Variants in TAF12 observed in about 807,000 individuals in gnomAD.
The protein encoded by TAF12 is TATA-box binding protein associated factor 12, also known as transcription initiation factor TFIID subunit 12.
In TAF12, 3 loss-of-function variants were observed where a neutral mutation model predicts 20.8. The ratio of observed to expected loss-of-function variants is 0.14; its 90% CI spans 0.07 to 0.37. TAF12 has a LOEUF of 0.37. Among genes scored for constraint, TAF12 ranks in the 10% least tolerant of loss-of-function variants. TAF12 has a pLI of 1.00. For synonymous variants in TAF12, 69 were observed against 70.2 expected (o/e 0.98, Z 0.09); for missense variants, 131 against 197.9 (o/e 0.66, Z 2.03).
At position 28,633,740 on chromosome 1, in the gene TAF12, C is replaced by T. The variant is rs181926165; in HGVS notation, c.-85+9252G>A. Reference sequence around the variant, plus strand: ...CAGCCTGACCAACATGGTGAAACCCCGTCTCTACTAAAAATACAAAAATTA... The same window carrying T: ...CAGCCTGACCAACATGGTGAAACCCTGTCTCTACTAAAAATACAAAAATTA... On this transcript the variant is annotated intron_variant, in intron 1 of 5. Transcript: ENST00000373824. 3.3e-3 allele frequency among the ~76,000 whole-genome samples: 496 copies of T among 151,626 alleles called. 2 individuals are homozygous for T. Among genetic ancestry groups the T allele is most frequent in the African/African-American group, 0.011 (475 of 41,364 alleles).
chr1:28,632,895 G>A (rs976209085), intron 1 of TAF12, among the ~76,000 whole-genome samples: 4 of 151,730 alleles, frequency 2.6e-5, no homozygotes, highest in Admixed American at 6.6e-5. Context: ...GTGGAGTTCC[G>A]CTTTGTTGCC....
At chr1:28,610,764 A>C (rs1391826721) in intron 4 of TAF12, among the ~76,000 whole-genome samples, 2 of 152,060 alleles carry the variant, frequency 1.3e-5, no homozygotes, top group African/African-American at 4.8e-5. Flanking sequence ...GTTTGAGACC[A>C]GCCTGGCCAA....
At chr1:28,616,490 T>C (rs2124322782) in intron 3 of TAF12, among the ~76,000 whole-genome samples, 1 of 151,818 alleles carries the variant, frequency 6.6e-6, no homozygotes. Context: ...CCCAGCACTT[T>C]GGGAGGCCGA....
chr1:28,614,099 G>T (rs1333214942), intron 3 of TAF12, among the ~76,000 whole-genome samples: 2 of 151,906 alleles, frequency 1.3e-5, no homozygotes, highest in African/African-American at 4.8e-5. Flanking sequence ...TTAGCTGGGC[G>T]TGGTGGCACG....
chr1:28,609,785 C>T lies in TAF12; in HGVS notation c.361+3462G>A, dbSNP rs1410747352. On this transcript the variant is annotated intron_variant, in intron 4 of 5. Coordinates refer to ENST00000373824, the MANE Select transcript of TAF12 (RefSeq NM_005644.4). ...TACAGGCGTGAGCCACCGTGTCTGG[C>T]CCCAATTCACATTTGTTATGCAACC... 2.6e-5 allele frequency among the ~76,000 whole-genome samples: 4 copies of T among 152,196 alleles called. 1 individual carries two copies. The highest frequency in any genetic ancestry group is 2.6e-4 in the Admixed American group (4 of 15,264).
intron 1 of TAF12, among the ~76,000 whole-genome samples, chr1:28,636,628 A>G (rs561122043): frequency 6.6e-6 from 1 of 151,862 alleles, no homozygotes; most frequent in Admixed American, 6.6e-5. Flanking sequence ...GGTCACTACA[A>G]ATAAAAAAAA....
intron 1 of TAF12, among the ~76,000 whole-genome samples, chr1:28,624,495 C>T (rs1667318547): frequency 6.6e-6 from 1 of 152,144 alleles, no homozygotes; most frequent in South Asian, 2.1e-4. Context: ...GCCTGTAATC[C>T]CAGCACTTTG....
At chr1:28,625,534 CTAA>C (rs1667352054) in intron 1 of TAF12, among the ~76,000 whole-genome samples, 1 of 149,582 alleles carries the variant, frequency 6.7e-6, no homozygotes, top group African/African-American at 2.5e-5. Flanking sequence ...CTGCACCCAG[CTAA>C]TTTTTTTTTT....
chr1:28,612,770 T>C (rs1328974920), intron 4 of TAF12, among the ~76,000 whole-genome samples: 1 of 151,856 alleles, frequency 6.6e-6, no homozygotes, highest in East Asian at 1.9e-4. Flanking sequence ...TATATTACGA[T>C]TATAAACTTT....
At chr1:28,630,129 A>G (rs1016548216) in intron 1 of TAF12, among the ~76,000 whole-genome samples, 11 of 151,990 alleles carry the variant, frequency 7.2e-5, no homozygotes, top group Admixed American at 1.3e-4. Flanking sequence ...TATTTTTTGT[A>G]GAGAGAAAGT....
chr1:28,626,273 C>T (rs546543715), intron 1 of TAF12, among the ~76,000 whole-genome samples: 81 of 151,870 alleles, frequency 5.3e-4, no homozygotes, highest in Non-Finnish European at 2.5e-4. Flanking sequence ...CCACCGCGCC[C>T]GGCCTCAGCC....
chr1:28,626,757 A>G (rs1667411659), intron 1 of TAF12, among the ~76,000 whole-genome samples: 1 of 151,192 alleles, frequency 6.6e-6, no homozygotes, highest in Non-Finnish European at 1.5e-5. Flanking sequence ...AAAAATACAA[A>G]AAATTAGCCA....
At chr1:28,636,662 G>A (rs1393626833) in intron 1 of TAF12, among the ~76,000 whole-genome samples, 3 of 151,864 alleles carry the variant, frequency 2.0e-5, no homozygotes, top group East Asian at 1.9e-4. Context: ...TTTGCCAGGC[G>A]TGGTGGCATG....
At chr1:28,610,363 C>T (rs2124304701) in intron 4 of TAF12, among the ~76,000 whole-genome samples, 1 of 152,284 alleles carries the variant, frequency 6.6e-6, no homozygotes, top group East Asian at 1.9e-4. Flanking sequence ...GGCATGATAG[C>T]TCACTGCAGC....
chr1:28,637,678 TTC>T (rs1338707323), intron 1 of TAF12, among the ~76,000 whole-genome samples: 2 of 151,922 alleles, frequency 1.3e-5, no homozygotes, highest in Non-Finnish European at 2.9e-5. Flanking sequence ...AAAAAAGATT[TTC>T]TTTTTTTTAT....
intron 1 of TAF12, among the ~76,000 whole-genome samples, chr1:28,626,592 A>AAC (rs899946088): frequency 3.3e-5 from 5 of 151,576 alleles, no homozygotes; most frequent in Non-Finnish European, 5.9e-5. Context: ...AAAAAAAAAA[A>AAC]AAAAAAAGCA....
chr1:28,628,338 C>T (rs571336255), intron 1 of TAF12, among the ~76,000 whole-genome samples: 130 of 149,802 alleles, frequency 8.7e-4, no homozygotes, highest in African/African-American at 3.0e-3. Flanking sequence ...GCACTCCAGC[C>T]TGGGTGACAG....
rs1438900730 is a variant in TAF12 at position 28,640,979 on chromosome 1, G to A, written c.-85+2013C>T. ...GCAGTCCCAGGAGGCTGAGGCAGGA[G>A]GAGTGCTTGAGCCCAAGAATATAGG... On this transcript the variant is annotated intron_variant, in intron 1 of 5. Transcript: ENST00000373824. Among the ~76,000 whole-genome samples the A allele has an allele frequency of 2.0e-5, 3 of 152,242 alleles. No homozygotes were observed. In the East Asian group the frequency reaches 5.8e-4, roughly 29 times the overall value.
At chr1:28,607,682 CTT>C (rs373233593) in intron 4 of TAF12, among the ~76,000 whole-genome samples, 263 of 148,118 alleles carry the variant, frequency 1.8e-3, no homozygotes, top group Middle Eastern at 3.4e-3. Flanking sequence ...AAAAAGAAAA[CTT>C]TTTTTTTTAG....
Sources: gnomAD v4.1 joint callset for allele counts (sites outside exome capture counted in the v4.1 genomes callset) on GRCh38, gnomAD v4.1.1 for gene constraint, MANE v1.5 for transcripts, NCBI Gene and HGNC (gene_info 2026-07-23, HGNC 2026-07-21) for gene names.